The following KIT variants were observed in gnomAD, a reference collection of about 807,000 sequenced individuals.
The protein encoded by KIT is KIT proto-oncogene, receptor tyrosine kinase.
Under a neutral mutation model 105.7 loss-of-function variants are expected in KIT, and 16 were observed. That is an observed-to-expected ratio of 0.15 (90% CI 0.10 to 0.23). The LOEUF (loss-of-function observed/expected upper bound fraction) is 0.23, where lower values mean the gene tolerates loss of function less well. Ranked by LOEUF, KIT falls within the 10% of genes least tolerant of loss-of-function variation. The probability of loss-of-function intolerance (pLI) is 1.00; values close to 1 mark genes in which losing one functional copy is unlikely to be tolerated. For missense variants in KIT, 858 were observed against 1,213.8 expected (o/e 0.71, Z 4.36); for synonymous variants, 438 against 441.1 (o/e 0.99, Z 0.09).
intron 1 of KIT, 55 bp downstream of exon 1, chr4:54,658,136 C>G (rs2109522148): frequency 1.1e-5 from 17 of 1,571,542 alleles, no homozygotes; most frequent in Non-Finnish European, 1.5e-5. Context: ...AAGCCTGTGC[C>G]TGGGAGGGTG....
chr4:54,715,004 T>G (rs1199297160), intron 7 of KIT, among the ~76,000 whole-genome samples: 1 of 152,244 alleles, frequency 6.6e-6, no homozygotes. Context: ...GGAAGGGTAT[T>G]AACAGGGGGT....
At chr4:54,708,638 A>G (rs561391240) in intron 6 of KIT, among the ~76,000 whole-genome samples, 1 of 152,252 alleles carries the variant, frequency 6.6e-6, no homozygotes, top group Non-Finnish European at 1.5e-5. Context: ...CTGGAAGTAA[A>G]GACGTGAAGG....
At chr4:54,662,397 C>T (rs900490005) in intron 1 of KIT, among the ~76,000 whole-genome samples, 2 of 152,200 alleles carry the variant, frequency 1.3e-5, no homozygotes, top group East Asian at 1.9e-4. Context: ...ATTACTTAAC[C>T]TCTCTGTGCC....
rs1288667785 is a variant in KIT, at chr4:54,699,778, G to A, written c.756+12G>A. The stretch of plus-strand genomic sequence containing the variant: ...GAGAAAACAGTCAGGTGAGTGAATC[G>A]CTTCATTCTTCTCATGTTCTGTCTC... On this transcript the variant is annotated intron_variant, in intron 4 of 20. Coordinates refer to ENST00000288135, the MANE Select transcript of KIT (RefSeq NM_000222.3). The A allele has an allele frequency of 3.7e-6, 6 of 1,613,170 alleles. No homozygotes were observed. Among genetic ancestry groups the A allele is most frequent in the East Asian group, 2.2e-5 (1 of 44,846 alleles).
chr4:54,700,782 GTGA>G (rs1172129130), intron 4 of KIT, among the ~76,000 whole-genome samples: 1 of 152,210 alleles, frequency 6.6e-6, no homozygotes, highest in Non-Finnish European at 1.5e-5. Flanking sequence ...CAAAGACAGT[GTGA>G]TGATATTCAT....
At chr4:54,714,097 C>G (rs76568452) in intron 7 of KIT, among the ~76,000 whole-genome samples, 1 of 152,096 alleles carries the variant, frequency 6.6e-6, no homozygotes, top group African/African-American at 2.4e-5. Context: ...ATTGCTTATC[C>G]AAGATGTGTA....
At chr4:54,667,261 TC>T (rs1403311326) in intron 1 of KIT, among the ~76,000 whole-genome samples, 1 of 152,140 alleles carries the variant, frequency 6.6e-6, no homozygotes, top group African/African-American at 2.4e-5. Context: ...CAGCCCATGG[TC>T]CAGTGGGGAA....
At chr4:54,698,634 G>C (rs763420798) in intron 3 of KIT, 69 bp downstream of exon 3, 1 of 1,520,080 alleles carries the variant, frequency 6.6e-7, no homozygotes, top group Non-Finnish European at 9.1e-7. Context: ...TTCTCTTCTC[G>C]TTGATCCACC....
At chr4:54,696,620 G>A (rs936046992) in intron 2 of KIT, among the ~76,000 whole-genome samples, 1 of 152,180 alleles carries the variant, frequency 6.6e-6, no homozygotes, top group Admixed American at 6.5e-5. Context: ...GAGATCTTAG[G>A]TACCTCCTGA....
chr4:54,692,145 A>G (rs1719755652), intron 1 of KIT, among the ~76,000 whole-genome samples: 1 of 152,218 alleles, frequency 6.6e-6, no homozygotes, highest in Admixed American at 6.5e-5. Flanking sequence ...GGCAGAGTTG[A>G]GTAGGAACTT....
At position 54,727,381 on chromosome 4, in the gene KIT, T is replaced by C. The variant is rs377107372; in HGVS notation, c.1648-35T>C. 15 of 1,613,948 alleles carry C rather than the reference T, an allele frequency of 9.3e-6. No homozygotes were observed. The African/African-American group carries it at 1.1e-4, about 11-fold the overall frequency. ...CTCTAATGACTGAGACAATAATTAT[T>C]AAAAGGTGATCTATTTTTCCCTTTC... On this transcript the variant is annotated intron_variant, in intron 10 of 20. Transcript: ENST00000288135.
chr4:54,687,591 G>A (rs533381458), intron 1 of KIT, among the ~76,000 whole-genome samples: 2 of 152,044 alleles, frequency 1.3e-5, no homozygotes, highest in East Asian at 3.9e-4. Flanking sequence ...CCTGCACTTA[G>A]CAGGTGGTAT....
At chr4:54,665,317 CTGTA>C (rs1560372119) in intron 1 of KIT, among the ~76,000 whole-genome samples, 1 of 152,254 alleles carries the variant, frequency 6.6e-6, no homozygotes, top group East Asian at 1.9e-4. Flanking sequence ...GCAAACAATG[CTGTA>C]ATGAACATTT....
At chr4:54,691,042 A>G (rs977018326) in intron 1 of KIT, among the ~76,000 whole-genome samples, 3 of 152,074 alleles carry the variant, frequency 2.0e-5, no homozygotes, top group Admixed American at 6.6e-5. Flanking sequence ...TCTTGAATTT[A>G]GAGGGCCCTT....
chr4:54,685,454 C>T (rs1274193098), intron 1 of KIT, among the ~76,000 whole-genome samples: 1 of 152,234 alleles, frequency 6.6e-6, no homozygotes, highest in Non-Finnish European at 1.5e-5. Context: ...CCCAGGCTCA[C>T]CTGGCATAAA....
intron 1 of KIT, among the ~76,000 whole-genome samples, chr4:54,677,733 T>C (rs1341905924): frequency 6.6e-6 from 1 of 152,222 alleles, no homozygotes; most frequent in African/African-American, 2.4e-5. Context: ...TTATTCCTAT[T>C]CTAGAAGGTA....
chr4:54,660,808 A>G (rs1717204239), intron 1 of KIT, among the ~76,000 whole-genome samples: 2 of 152,160 alleles, frequency 1.3e-5, no homozygotes, highest in Non-Finnish European at 1.5e-5. Flanking sequence ...CATTCACATG[A>G]TTCACCAGAA....
intron 1 of KIT, among the ~76,000 whole-genome samples, chr4:54,682,998 C>G (rs1472863189): frequency 6.6e-6 from 1 of 151,414 alleles, no homozygotes; most frequent in African/African-American, 2.4e-5. Flanking sequence ...GTGATCCTCC[C>G]GCCTCAGCTT....
chr4:54,688,523 C>T (rs1290769204), intron 1 of KIT, among the ~76,000 whole-genome samples: 1 of 152,182 alleles, frequency 6.6e-6, no homozygotes, highest in Non-Finnish European at 1.5e-5. Context: ...GACTTCCTTA[C>T]TTTTAACCGC....
Sources: allele counts gnomAD v4.1 joint callset (sites outside exome capture counted in the v4.1 genomes callset), GRCh38; gene constraint gnomAD v4.1.1; transcripts MANE v1.5; gene names NCBI Gene and HGNC (gene_info 2026-07-23, HGNC 2026-07-21).